PHF23: variants seen among roughly 807,000 people sequenced by gnomAD.
PHF23 encodes the protein PHD finger protein 23.
Under a neutral mutation model 36.0 loss-of-function variants are expected in PHF23, and 3 were observed. That is an observed-to-expected ratio of 0.08 (90% CI 0.04 to 0.22). PHF23 has a LOEUF of 0.22. Among genes scored for constraint, PHF23 ranks in the 10% least tolerant of loss-of-function variants. The pLI is 1.00. For synonymous variants in PHF23, 242 were observed against 192.5 expected, an observed-to-expected ratio of 1.26 and a Z score of -2.13; for missense variants, 475 against 513.6, an observed-to-expected ratio of 0.92 and a Z score of 0.73.
intron 3 of PHF23, 60 bp downstream of exon 3, chr17:7,237,325 C>T (rs2071688951): frequency 7.2e-7 from 1 of 1,393,244 alleles, no homozygotes; most frequent in Non-Finnish European, 1.0e-6. Context: ...TCTGTTTGAA[C>T]AACAGTCACT....
At chr17:7,238,306 C>T (rs1285555312) in intron 1 of PHF23, 1 of 126,720 alleles carries the variant, frequency 7.9e-6, no homozygotes, top group African/African-American at 3.0e-5. Context: ...CCCGCCCATA[C>T]CGCGCTCCCC....
chr17:7,239,510 C>T (rs1380371031), upstream of PHF23: 2 of 443,998 alleles, frequency 4.5e-6, 1 homozygote. Context: ...CCCTCCTCCT[C>T]CTCCTCCACC....
chr17:7,235,925 C>CT lies in PHF23; in HGVS notation c.997+4dup. On this transcript the variant is annotated splice_donor_region_variant and intron_variant, in intron 4 of 4. Transcript: ENST00000320316. ...AAACCCCTCGCCCCAGCCCGAACCTCTCACCTGATTCTACCATGATGTCCT... is the reference window on the plus strand; with the variant it reads ...AAACCCCTCGCCCCAGCCCGAACCTCTTCACCTGATTCTACCATGATGTCCT... 6.2e-7 allele frequency: 1 copy of CT among 1,610,982 alleles called. No homozygotes were observed. The highest frequency in any genetic ancestry group is 2.2e-5 in the East Asian group (1 of 44,818).
At position 7,239,258 on chromosome 17, in the gene PHF23, G is replaced by A; in HGVS notation, c.22C>T (p.Pro8Ser). The A allele has an allele frequency of 6.5e-7, 1 of 1,540,868 alleles. No individual in the cohort carries two copies. The highest frequency in any genetic ancestry group is 8.9e-7 in the Non-Finnish European group (1 of 1,125,304). MLEAMAE[P>S]SPEDPPPTLK... ...GTCGAGAGCTCACCTTCGGGACTGGGCTCCGCCATGGCTTCCAGCATCGCC... is the reference window on the plus strand; with the variant it reads ...GTCGAGAGCTCACCTTCGGGACTGGACTCCGCCATGGCTTCCAGCATCGCC... Residue 8 changes from proline to serine, a missense_variant, in exon 1 of 5, where the codon CCC becomes TCC. Pro to Ser is a moderately conservative substitution (Grantham distance 74, BLOSUM62 -1). This residue lies in a region of PHF23 where 54 missense variants were observed against 42.0 expected (regional missense o/e 1.28). Coordinates refer to ENST00000320316, the MANE Select transcript of PHF23 (RefSeq NM_024297.3).
In PHF23 at chr17:7,236,728, G is replaced by T; in HGVS notation, c.199C>A (p.Arg67=). The change falls in exon 4 of 5, where the codon CGA becomes AGA. Residue 67 remains arginine (R), a synonymous_variant. Coordinates refer to ENST00000320316, the MANE Select transcript of PHF23 (RefSeq NM_024297.3). The surrounding 1 kb of genome is among the most constrained non-coding windows in gnomAD (Gnocchi z 5.1). ...WPASGSSSPL[R]GESAADSDGW... Reference sequence around the variant, plus strand: ...TCACTGTCGGCCGCACTCTCTCCTCGCAATGGAGAGCTGGAGCCAGAGGCT... The same window carrying T: ...TCACTGTCGGCCGCACTCTCTCCTCTCAATGGAGAGCTGGAGCCAGAGGCT... The T allele has an allele frequency of 6.2e-7, 1 of 1,613,520 alleles. No homozygotes were observed. The highest frequency in any genetic ancestry group is 2.2e-5 in the East Asian group (1 of 44,890).
intron 1 of PHF23, chr17:7,239,023 C>G: frequency 1.4e-6 from 2 of 1,420,348 alleles, no homozygotes; most frequent in South Asian, 1.4e-5. Flanking sequence ...AGCTCCTATC[C>G]CCCGCACCCC....
At chr17:7,237,831 G>A (rs533163594) in intron 1 of PHF23, 171 bp from the exon 2 acceptor site, 5 of 742,886 alleles carry the variant, frequency 6.7e-6, no homozygotes, top group Non-Finnish European at 1.1e-5. Flanking sequence ...CGCCCCGCGA[G>A]GGGCGGAGCC....
In PHF23 at chr17:7,236,110, G is replaced by A; in HGVS notation, c.817C>T (p.Pro273Ser). ...GCCTCAGGGGGTGTTGGCAGCACAG[G>A]GACTGGGGCTTCACCCCCTACCACT... ...ATVVGGEAPV[P>S]VLPTPPEAPR... is the part of the protein sequence containing the mutation. Residue 273 changes from proline (P) to serine (S), a missense_variant, in exon 4 of 5, where the codon CCT becomes TCT. This residue lies in a region of PHF23 where 350 missense variants were observed against 319.8 expected (regional missense o/e 1.09). Coordinates refer to ENST00000320316, the MANE Select transcript of PHF23 (RefSeq NM_024297.3). This position sits in a 1 kb window ranked among gnomAD's most constrained non-coding sequence, Gnocchi z 5.1. 6.2e-7 allele frequency: 1 copy of A among 1,612,216 alleles called. No homozygotes were observed. The highest frequency in any genetic ancestry group is 1.1e-5 in the South Asian group (1 of 90,832).
rs572202979 is a variant in PHF23 at position 7,235,302 on chromosome 17, G to C, written c.*324C>G. 177 of 370,650 alleles carry C rather than the reference G, an allele frequency of 4.8e-4. No homozygotes were observed. Among genetic ancestry groups the C allele is most frequent in the Non-Finnish European group, 6.8e-4 (133 of 195,986 alleles). The allele number at this position is 370,650 out of a possible 1,614,324, so 23.0% of individuals were successfully genotyped here. A position where few individuals can be genotyped will look rare whatever the true frequency, so the allele number is the denominator to read the frequency against. Reference sequence around the variant, plus strand: ...GGGGAGTGCTAATATTTACACTAGAGTTTTATAGACAACTGTCCCATTCCA... The same window carrying C: ...GGGGAGTGCTAATATTTACACTAGACTTTTATAGACAACTGTCCCATTCCA... On this transcript the variant is annotated 3_prime_UTR_variant, in exon 5 of 5. Transcript: ENST00000320316.
At position 7,236,222 on chromosome 17, in the gene PHF23, A is replaced by G; in HGVS notation, c.705T>C (p.Pro235=). Residue 235 remains proline, a synonymous_variant, in exon 4 of 5, where the codon CCT becomes CCC. Coordinates refer to ENST00000320316, the MANE Select transcript of PHF23 (RefSeq NM_024297.3). This position sits in a 1 kb window ranked among gnomAD's most constrained non-coding sequence, Gnocchi z 5.1. ...CACTGGGGGGTGCCTGGGGAGGCCCAGGAGGTGGGAGTCTATCCCCCCGTT... is the reference window on the plus strand; with the variant it reads ...CACTGGGGGGTGCCTGGGGAGGCCCGGGAGGTGGGAGTCTATCCCCCCGTT... ...KAERGDRLPP[P]GPPQAPPSDT... is the part of the protein sequence containing the mutation. 6.2e-7 allele frequency: 1 copy of G among 1,613,142 alleles called. No homozygotes were observed. The highest frequency in any genetic ancestry group is 2.2e-5 in the East Asian group (1 of 44,864).
In PHF23 at chr17:7,237,339, T is replaced by C. The variant is rs185547127; in HGVS notation, c.159+46A>G. 4.1e-6 allele frequency: 6 copies of C among 1,479,876 alleles called. No individual in the cohort carries two copies. The African/African-American group carries it at 4.2e-5, about 10-fold the overall frequency. 91.7% of individuals were successfully genotyped at this position (1,479,876 alleles called of 1,614,324 possible). ...TTCTGTTTGAACAACAGTCACTCTATAGTCCCACCACACCAGCCTCAAGTC... is the reference window on the plus strand; with the variant it reads ...TTCTGTTTGAACAACAGTCACTCTACAGTCCCACCACACCAGCCTCAAGTC... On this transcript the variant is annotated intron_variant, in intron 3 of 4. Coordinates refer to ENST00000320316, the MANE Select transcript of PHF23 (RefSeq NM_024297.3).
At chr17:7,238,890 C>T (rs938519484) in intron 1 of PHF23, 10 of 1,533,220 alleles carry the variant, frequency 6.5e-6, no homozygotes, top group African/African-American at 5.5e-5. Flanking sequence ...CCTCACTCAG[C>T]CTCTTCTACG....
intron 1 of PHF23, 119 bp from the exon 2 acceptor site, chr17:7,237,779 G>GCAGGCCCC: frequency 8.3e-7 from 1 of 1,201,030 alleles, no homozygotes. Context: ...TGCCAGGCCA[G>GCAGGCCCC]CAGGCCCCCA....
At chr17:7,239,531 T>G, upstream of PHF23, 15 of 322,946 alleles carry the variant, frequency 4.6e-5, no homozygotes, top group East Asian at 6.6e-5. Flanking sequence ...TCCTCTCTCC[T>G]CCCTCCCTCC....
chr17:7,237,262 T>A (rs2071687301), intron 3 of PHF23, 123 bp downstream of exon 3: 1 of 903,240 alleles, frequency 1.1e-6, no homozygotes, highest in East Asian at 2.4e-5. Flanking sequence ...GTCTCCAACT[T>A]CCCTGGTCTT....
chr17:7,239,106 C>T (rs1555531321), intron 1 of PHF23, 140 bp downstream of exon 1: 2 of 1,037,528 alleles, frequency 1.9e-6, no homozygotes, highest in Non-Finnish European at 2.8e-6. Context: ...CAACTCGTCG[C>T]TCTCCCACCT....
chr17:7,238,982 C>G (rs1332117239), intron 1 of PHF23: 1 of 1,469,458 alleles, frequency 6.8e-7, no homozygotes, highest in Non-Finnish European at 9.0e-7. Context: ...GTGGCCCTTT[C>G]GGGCCCTAAC....
In PHF23 at chr17:7,235,731, C is replaced by T. The variant is rs752650896; in HGVS notation, c.1107G>A (p.Lys369=). ...CGTWIHLSCA[K]IKKTNVPDFF... is the part of the protein sequence containing the mutation. The stretch of plus-strand genomic sequence containing the variant: ...AGTCGGGGACGTTGGTCTTCTTAAT[C>T]TTAGCACAGGAGAGGTGGATCCACG... The change falls in exon 5 of 5, where the codon AAG becomes AAA. Residue 369 remains lysine (K), a synonymous_variant. Coordinates refer to ENST00000320316, the MANE Select transcript of PHF23 (RefSeq NM_024297.3). The T allele has an allele frequency of 1.9e-6, 3 of 1,614,018 alleles. No individual in the cohort carries two copies. The highest frequency in any genetic ancestry group is 3.3e-5 in the Admixed American group (2 of 60,000).
In PHF23 at chr17:7,236,144, C is replaced by CTCTTCT; in HGVS notation, c.777_782dup (p.Glu260_Glu261dup). 1 of 1,610,288 alleles carries CTCTTCT rather than the reference C, an allele frequency of 6.2e-7. No homozygotes were observed. ...CTTCACCCCCTACCACTGTTGCCAT[C>CTCTTCT]TCTTCTTCTTCTTCCTCTTCCTCCT... On this transcript the variant is annotated inframe_insertion, in exon 4 of 5. Coordinates refer to ENST00000320316, the MANE Select transcript of PHF23 (RefSeq NM_024297.3). The surrounding 1 kb of genome is among the most constrained non-coding windows in gnomAD (Gnocchi z 5.1).
Sources: allele counts gnomAD v4.1 joint callset, GRCh38; gene constraint gnomAD v4.1.1; regional missense constraint gnomAD v4.1.1; non-coding constraint Gnocchi (gnomAD v3.1); transcripts MANE v1.5; gene names NCBI Gene and HGNC (gene_info 2026-07-23, HGNC 2026-07-21).